The following FHIT variants were observed in gnomAD, a reference collection of about 807,000 sequenced individuals.
FHIT encodes the protein bis(5'-adenosyl)-triphosphatase.
Under a neutral mutation model 17.9 loss-of-function variants are expected in FHIT, and 19 were observed. That is an observed-to-expected ratio of 1.06 (90% CI 0.74 to 1.56). The LOEUF (loss-of-function observed/expected upper bound fraction) is 1.56, where lower values mean the gene tolerates loss of function less well. FHIT is among the 40% of genes most tolerant of loss of function. The pLI, the probability that FHIT is intolerant of heterozygous loss-of-function variation, is 0.00. For missense variants in FHIT, 248 were observed against 189.2 expected (o/e 1.31, Z -1.82); for synonymous variants, 81 against 69.7 (o/e 1.16, Z -0.81).
intron 5 of FHIT, among the ~76,000 whole-genome samples, chr3:60,506,033 G>C (rs1455009468): frequency 1.3e-5 from 2 of 152,112 alleles, no homozygotes; most frequent in South Asian, 4.2e-4. Context: ...TCATAAATAT[G>C]ACCAACTTTA....
At chr3:59,786,331 T>C (rs1365227587) in intron 8 of FHIT, among the ~76,000 whole-genome samples, 2 of 152,202 alleles carry the variant, frequency 1.3e-5, no homozygotes, top group African/African-American at 4.8e-5. Flanking sequence ...ACACAGAAGC[T>C]GGCAAGACAT....
intron 2 of FHIT, among the ~76,000 whole-genome samples, chr3:61,069,598 T>C (rs2034733066): frequency 1.3e-5 from 2 of 152,206 alleles, no homozygotes. Context: ...ATTAAGGAAG[T>C]AATTTCAAAA....
chr3:60,233,432 G>T (rs1704604968), intron 5 of FHIT, among the ~76,000 whole-genome samples: 1 of 151,926 alleles, frequency 6.6e-6, no homozygotes, highest in South Asian at 2.1e-4. Context: ...GATGTGCCCA[G>T]TGTTGGGCTC....
intron 3 of FHIT, among the ~76,000 whole-genome samples, chr3:60,861,519 T>C (rs1703893355): frequency 6.6e-6 from 1 of 151,614 alleles, no homozygotes; most frequent in East Asian, 1.9e-4. Context: ...CATTGCCAAA[T>C]GTCACCTGCA....
chr3:60,501,643 T>TC (rs2034529874), intron 5 of FHIT, among the ~76,000 whole-genome samples: 1 of 152,096 alleles, frequency 6.6e-6, no homozygotes, highest in South Asian at 2.1e-4. Flanking sequence ...CATGGCAGAG[T>TC]CCGGAATCTC....
At chr3:60,243,040 G>A in intron 5 of FHIT, among the ~76,000 whole-genome samples, 1 of 149,924 alleles carries the variant, frequency 6.7e-6, no homozygotes. Flanking sequence ...TTATCAGTGT[G>A]ATGTCAATAT....
intron 5 of FHIT, among the ~76,000 whole-genome samples, chr3:60,342,398 TG>T (rs1339890338): frequency 6.6e-6 from 1 of 152,228 alleles, no homozygotes; most frequent in African/African-American, 2.4e-5. Flanking sequence ...GGTTTATGAA[TG>T]TTTTGTGTTT....
intron 4 of FHIT, among the ~76,000 whole-genome samples, chr3:60,590,658 T>TA (rs1199003578): frequency 2.0e-5 from 3 of 152,128 alleles, no homozygotes; most frequent in Non-Finnish European, 4.4e-5. Context: ...TGTGCATGCC[T>TA]AAAAAATCTT....
intron 5 of FHIT, among the ~76,000 whole-genome samples, chr3:60,122,651 A>G (rs1267131770): frequency 6.6e-6 from 1 of 152,182 alleles, no homozygotes; most frequent in Non-Finnish European, 1.5e-5. Flanking sequence ...AGCCTCAGAG[A>G]AAAAAGTATC....
At chr3:59,809,730 A>G (rs1288620110) in intron 8 of FHIT, among the ~76,000 whole-genome samples, 2 of 152,132 alleles carry the variant, frequency 1.3e-5, no homozygotes, top group Admixed American at 1.3e-4. Flanking sequence ...GCTTGTTTCC[A>G]GGAGAAGAGA....
chr3:60,629,615 A>C (rs1388094798), intron 4 of FHIT, among the ~76,000 whole-genome samples: 2 of 152,218 alleles, frequency 1.3e-5, no homozygotes, highest in Non-Finnish European at 2.9e-5. Context: ...CAACTCAAGG[A>C]AAGTAAAATG....
chr3:60,679,262 C>A (rs1229214066), intron 4 of FHIT, among the ~76,000 whole-genome samples: 4 of 152,124 alleles, frequency 2.6e-5, no homozygotes, highest in African/African-American at 9.7e-5. Flanking sequence ...CTGGACAAAA[C>A]AACTTCAATC....
At chr3:60,130,550 A>G (rs927179067) in intron 5 of FHIT, among the ~76,000 whole-genome samples, 3 of 152,164 alleles carry the variant, frequency 2.0e-5, no homozygotes, top group Non-Finnish European at 4.4e-5. Context: ...TCACATGCTC[A>G]TATCAACTGA....
intron 5 of FHIT, among the ~76,000 whole-genome samples, chr3:60,252,601 T>A (rs1434607279): frequency 2.0e-5 from 3 of 151,736 alleles, no homozygotes; most frequent in African/African-American, 7.3e-5. Flanking sequence ...AATAAACGTG[T>A]GCTCAAAGGG....
At chr3:60,467,618 T>A (rs576128495) in intron 5 of FHIT, among the ~76,000 whole-genome samples, 1 of 152,286 alleles carries the variant, frequency 6.6e-6, no homozygotes, top group African/African-American at 2.4e-5. Context: ...TTCCATGTGT[T>A]TGTATAATTT....
At chr3:60,740,381 T>C (rs545005077) in intron 4 of FHIT, among the ~76,000 whole-genome samples, 1 of 152,320 alleles carries the variant, frequency 6.6e-6, no homozygotes, top group Non-Finnish European at 1.5e-5. Flanking sequence ...AGATAATCAA[T>C]GTACCTACCT....
rs1055464950 is a variant in FHIT at position 60,029,097 on chromosome 3, C to T, written c.104-14945G>A. Among the ~76,000 whole-genome samples the T allele has an allele frequency of 7.2e-5, 11 of 152,274 alleles. No homozygotes were observed. The South Asian group carries it at 2.1e-3, about 29-fold the overall frequency. On this transcript the variant is annotated intron_variant, in intron 5 of 9. Coordinates refer to ENST00000492590, the MANE Select transcript of FHIT (RefSeq NM_002012.4). The stretch of plus-strand genomic sequence containing the variant: ...TTAGTGTTTCTAATGTTTTAAATTA[C>T]AGTGTACTAAATTAGTATTAGTTCG...
intron 5 of FHIT, among the ~76,000 whole-genome samples, chr3:60,345,431 C>T (rs1419011575): frequency 1.3e-5 from 2 of 152,230 alleles, no homozygotes; most frequent in East Asian, 1.9e-4. Context: ...TACAATCACA[C>T]TGTTCAACTA....
At chr3:60,783,272 T>G (rs1700455052) in intron 4 of FHIT, among the ~76,000 whole-genome samples, 1 of 152,190 alleles carries the variant, frequency 6.6e-6, no homozygotes, top group South Asian at 2.1e-4. Flanking sequence ...TAGCAGGGCC[T>G]TCAATAGGTC....
Sources: gnomAD v4.1 joint callset for allele counts (sites outside exome capture counted in the v4.1 genomes callset) on GRCh38, gnomAD v4.1.1 for gene constraint, MANE v1.5 for transcripts, NCBI Gene and HGNC (gene_info 2026-07-23, HGNC 2026-07-21) for gene names.